KLC2: variants seen among roughly 807,000 people sequenced by gnomAD.
KLC2 encodes the protein kinesin light chain 2.
KLC2 carries 35 observed loss-of-function variants against 75.1 expected under a neutral mutation model. The ratio of observed to expected loss-of-function variants is 0.47; its 90% CI spans 0.36 to 0.62. The LOEUF (loss-of-function observed/expected upper bound fraction) is 0.62, where lower values mean the gene tolerates loss of function less well. Among genes scored for constraint, KLC2 ranks in the 20% least tolerant of loss-of-function variants. The pLI is 0.00. For missense variants in KLC2, 611 were observed against 833.2 expected (o/e 0.73, Z 3.28); for synonymous variants, 314 against 336.7 (o/e 0.93, Z 0.74).
In KLC2 at chr11:66,266,945, C is replaced by A. The variant is rs1355767241; in HGVS notation, c.1858C>A (p.Leu620Met). Residue 620 changes from leucine (L) to methionine (M), a missense_variant, in exon 16 of 16, where the codon CTG (leucine) becomes ATG (methionine). Leu to Met is a conservative substitution (Grantham distance 15). Transcript: ENST00000394067. ...CATGGACCTCTCCCGACGAAGCTCC[C>A]TGGTGGGCTAATGCTGAAGGGGCAG... ...SSMDLSRRSS[L>M]VG The A allele has an allele frequency of 2.5e-6, 4 of 1,612,776 alleles. No homozygotes were observed. Among genetic ancestry groups the A allele is most frequent in the Non-Finnish European group, 2.5e-6 (3 of 1,180,004 alleles).
At chr11:66,261,623 C>T in intron 2 of KLC2, 119 bp from the exon 3 acceptor site, 1 of 626,224 alleles carries the variant, frequency 1.6e-6, no homozygotes, top group South Asian at 2.0e-5. Context: ...ACCTGCAGCT[C>T]CTCACTGTAG....
rs748572979 is a variant in KLC2 at position 66,265,241 on chromosome 11, T to A, written c.1334+6T>A. ...AAGGCCTGTAAAGTAGACAGGTGAG[T>A]GGGGCGGGGCTGGGCTGGGGAGCAG... is the stretch of plus-strand genomic sequence containing the variant. On this transcript the variant is annotated splice_donor_region_variant and intron_variant, in intron 11 of 15. Transcript: ENST00000394067. 1 of 1,013,514 alleles carries A rather than the reference T, an allele frequency of 9.9e-7. No individual in the cohort carries two copies. The highest frequency in any genetic ancestry group is 1.3e-5 in the South Asian group (1 of 79,554). 62.8% of individuals were successfully genotyped at this position (1,013,514 alleles called of 1,614,324 possible).
At chr11:66,263,257 CA>C (rs1390344747) in intron 5 of KLC2, among the ~76,000 whole-genome samples, 1 of 152,168 alleles carries the variant, frequency 6.6e-6, no homozygotes, top group Non-Finnish European at 1.5e-5. Flanking sequence ...ACAGCTTCTC[CA>C]GGCACCAAGG....
chr11:66,260,662 T>G (rs1856335852), intron 2 of KLC2, among the ~76,000 whole-genome samples: 2 of 152,078 alleles, frequency 1.3e-5, no homozygotes, highest in South Asian at 4.1e-4. Context: ...AGTGGCACGA[T>G]CTCAGCTCAC....
the KLC2 span, among the ~76,000 whole-genome samples, chr11:66,251,662 C>T: frequency 6.6e-6 from 1 of 152,160 alleles, no homozygotes; most frequent in Non-Finnish European, 1.5e-5. Flanking sequence ...ATCCCAGCTA[C>T]TCAGGAGGCT....
upstream of KLC2, among the ~76,000 whole-genome samples, chr11:66,255,577 G>T (rs925642814): frequency 3.9e-5 from 6 of 152,176 alleles, no homozygotes; most frequent in Non-Finnish European, 7.3e-5. Context: ...AACCTCAGGG[G>T]CCCTGGAGGA....
chr11:66,248,364 A>G, the KLC2 span, among the ~76,000 whole-genome samples: 32 of 152,224 alleles, frequency 2.1e-4, no homozygotes, highest in Admixed American at 3.9e-4. Context: ...TCACTCCCAT[A>G]ATCACAGCAC....
chr11:66,267,001 C>A lies in KLC2; in HGVS notation c.*45C>A, dbSNP rs1487991452. 2 of 1,605,764 alleles carry A rather than the reference C, an allele frequency of 1.2e-6. No homozygotes were observed. Among genetic ancestry groups the A allele is most frequent in the Non-Finnish European group, 1.7e-6 (2 of 1,179,302 alleles). On this transcript the variant is annotated 3_prime_UTR_variant, in exon 16 of 16. Coordinates refer to ENST00000394067, the MANE Select transcript of KLC2 (RefSeq NM_001318734.2). ...CACCAGAGCGCCCACCTGGCACACC[C>A]CCCTCACCCCAGCCCTGCGCATGGG...
At chr11:66,260,994 G>A (rs2134806923) in intron 2 of KLC2, 1 of 152,064 alleles carries the variant, frequency 6.6e-6, no homozygotes, top group East Asian at 1.9e-4. Flanking sequence ...GGAAGGTAGA[G>A]GCTGCAGTGA....
chr11:66,262,700 G>T (rs1426713065), intron 4 of KLC2, 114 bp from the exon 5 acceptor site: 2 of 727,670 alleles, frequency 2.7e-6, no homozygotes, highest in East Asian at 5.0e-5. Flanking sequence ...GAGAAAGAGT[G>T]GTTAGTGACT....
intron 10 of KLC2, 24 bp downstream of exon 10, chr11:66,265,096 C>T (rs1422997043): frequency 2.4e-5 from 38 of 1,608,798 alleles, no homozygotes; most frequent in Admixed American, 3.3e-5. Flanking sequence ...GCAGGCTGGG[C>T]GGTTGTCAGG....
chr11:66,250,707 C>T, the KLC2 span, among the ~76,000 whole-genome samples: 1 of 152,206 alleles, frequency 6.6e-6, no homozygotes, highest in Non-Finnish European at 1.5e-5. Context: ...GAGTGGCATA[C>T]TGAAGACATC....
chr11:66,262,621 G>A (rs1590865077), intron 4 of KLC2, 193 bp from the exon 5 acceptor site: 1 of 596,602 alleles, frequency 1.7e-6, no homozygotes, highest in East Asian at 2.8e-5. Context: ...AGAGCCTGAA[G>A]TACTGGAGCT....
chr11:66,244,395 A>T, the KLC2 span: 1 of 151,034 alleles, frequency 6.6e-6, no homozygotes, highest in African/African-American at 2.5e-5. Flanking sequence ...CCTCTCACCA[A>T]CCCGGGGTCT....
chr11:66,252,107 T>C, the KLC2 span, among the ~76,000 whole-genome samples: 1 of 152,224 alleles, frequency 6.6e-6, no homozygotes, highest in East Asian at 1.9e-4. Context: ...TCATTCTGAG[T>C]GCATCTCTGT....
the KLC2 span, among the ~76,000 whole-genome samples, chr11:66,245,332 G>A: frequency 6.6e-6 from 1 of 152,218 alleles, no homozygotes; most frequent in Non-Finnish European, 1.5e-5. Flanking sequence ...TGTAATCCCA[G>A]CACTTTGGGA....
At chr11:66,262,037 G>A (rs996120122) in intron 3 of KLC2, 65 bp downstream of exon 3, 1 of 1,585,738 alleles carries the variant, frequency 6.3e-7, no homozygotes, top group Non-Finnish European at 8.6e-7. Flanking sequence ...GGGCAGCATG[G>A]AGCAGATTCG....
chr11:66,253,763 A>C (rs1263778567), upstream of KLC2, among the ~76,000 whole-genome samples: 1 of 152,222 alleles, frequency 6.6e-6, no homozygotes. Flanking sequence ...CAAGAGAATG[A>C]GAACCAGCAG....
chr11:66,253,103 G>T (rs1855977324), upstream of KLC2, among the ~76,000 whole-genome samples: 1 of 151,472 alleles, frequency 6.6e-6, no homozygotes. Flanking sequence ...AAGTAGCTGG[G>T]ACTACAGGCA....
Sources: allele counts gnomAD v4.1 joint callset (sites outside exome capture counted in the v4.1 genomes callset), GRCh38; gene constraint gnomAD v4.1.1; transcripts MANE v1.5; gene names NCBI Gene and HGNC (gene_info 2026-07-23, HGNC 2026-07-21).